Variants in GTF2IRD1 observed in about 807,000 individuals in gnomAD.
GTF2IRD1 encodes the protein GTF2I repeat domain containing 1.
In GTF2IRD1, 26 loss-of-function variants were observed where a neutral mutation model predicts 113.2. The ratio of observed to expected loss-of-function variants is 0.23; its 90% confidence interval spans 0.17 to 0.32. The LOEUF (loss-of-function observed/expected upper bound fraction) is 0.32, where lower values mean the gene tolerates loss of function less well. GTF2IRD1 is among the 10% of genes least tolerant of loss of function. GTF2IRD1 has a pLI of 1.00. For synonymous variants in GTF2IRD1, 484 were observed against 529.1 expected, an observed-to-expected ratio of 0.91 and a Z score of 1.17; for missense variants, 864 against 1,280.8, an observed-to-expected ratio of 0.67 and a Z score of 4.97.
chr7:74,454,825 C>T (rs931856919), intron 1 of GTF2IRD1, among the ~76,000 whole-genome samples: 3 of 152,142 alleles, frequency 2.0e-5, no homozygotes, highest in African/African-American at 4.8e-5. Flanking sequence ...GTTGGGGATA[C>T]TCGGTCTGTG....
intron 1 of GTF2IRD1, among the ~76,000 whole-genome samples, chr7:74,465,307 C>T (rs372161859): frequency 8.5e-5 from 13 of 152,274 alleles, no homozygotes; most frequent in African/African-American, 2.9e-4. Flanking sequence ...GAGATATTCT[C>T]TTCTCAGCAT....
intron 7 of GTF2IRD1, among the ~76,000 whole-genome samples, chr7:74,523,399 T>A (rs11495945): frequency 0.18 from 27,956 of 151,604 alleles, 2,737 homozygotes; most frequent in Middle Eastern, 0.21. Context: ...TCTATTTTTT[T>A]AAAAAAATTT....
chr7:74,541,373 C>T (rs1333994419), intron 14 of GTF2IRD1, among the ~76,000 whole-genome samples: 8 of 151,574 alleles, frequency 5.3e-5, no homozygotes, highest in African/African-American at 1.5e-4. Flanking sequence ...CAGCTATAAT[C>T]TCAACACTTT....
intron 1 of GTF2IRD1, among the ~76,000 whole-genome samples, chr7:74,504,677 C>T (rs932189417): frequency 1.1e-4 from 16 of 146,274 alleles, no homozygotes; most frequent in East Asian, 2.0e-4. Flanking sequence ...GTAGCTCATG[C>T]GGGCCAATGC....
intron 19 of GTF2IRD1, among the ~76,000 whole-genome samples, chr7:74,556,057 C>A (rs1389805505): frequency 2.0e-5 from 3 of 152,042 alleles, no homozygotes; most frequent in Non-Finnish European, 2.9e-5. Flanking sequence ...CAAGACCAGC[C>A]TGGCCAACAT....
At position 74,535,707 on chromosome 7, in the gene GTF2IRD1, G is replaced by A. The variant is rs147079527; in HGVS notation, c.1301-460G>A. Among the ~76,000 whole-genome samples, 19 of 152,310 alleles carry A rather than the reference G, an allele frequency of 1.2e-4. No homozygotes were observed. In the East Asian group the frequency reaches 3.7e-3, roughly 29 times the overall value. Reference sequence around the variant, plus strand: ...GTTCCGGTCCCGCCTCCCACCAGCTGTGTGACTTTGGGCAAGGTCTTGTGG... The same window carrying A: ...GTTCCGGTCCCGCCTCCCACCAGCTATGTGACTTTGGGCAAGGTCTTGTGG... On this transcript the variant is annotated intron_variant, in intron 10 of 26. Coordinates refer to ENST00000424337, the MANE Select transcript of GTF2IRD1 (RefSeq NM_005685.4).
chr7:74,520,339 C>A (rs1211034164), intron 6 of GTF2IRD1, among the ~76,000 whole-genome samples: 28 of 151,944 alleles, frequency 1.8e-4, no homozygotes, highest in Admixed American at 1.8e-3. Context: ...GTGAGGAGCA[C>A]CTGGATTCAT....
chr7:74,521,329 G>A, intron 7 of GTF2IRD1, 32 bp downstream of exon 7: 1 of 1,316,712 alleles, frequency 7.6e-7, no homozygotes, highest in Non-Finnish European at 1.1e-6. Context: ...ACCCCGGCCT[G>A]AGTGGGAATC....
At chr7:74,525,463 A>G (rs1797544557) in intron 8 of GTF2IRD1, among the ~76,000 whole-genome samples, 1 of 152,112 alleles carries the variant, frequency 6.6e-6, no homozygotes, top group African/African-American at 2.4e-5. Flanking sequence ...TGGAAAGAAA[A>G]CACAAGTGGT....
chr7:74,491,756 T>C (rs1373649333), intron 1 of GTF2IRD1, among the ~76,000 whole-genome samples: 2 of 152,130 alleles, frequency 1.3e-5, no homozygotes, highest in African/African-American at 4.8e-5. Context: ...GATTCCATGT[T>C]TTTGCTGTTG....
rs892350691 is a variant in GTF2IRD1 at position 74,473,617 on chromosome 7, C to T, written c.-7+19441C>T. On this transcript the variant is annotated intron_variant, in intron 1 of 26. Transcript: ENST00000424337. ...GGGGATTCTTATTGGCTGTGAACCCCGTGATTCATTGCTCCCATTTTCTTG... is the reference window on the plus strand; with the variant it reads ...GGGGATTCTTATTGGCTGTGAACCCTGTGATTCATTGCTCCCATTTTCTTG... 1.4e-4 allele frequency among the ~76,000 whole-genome samples: 21 copies of T among 151,974 alleles called. 1 individual carries two copies. The highest frequency in any genetic ancestry group is 1.2e-3 in the Admixed American group (18 of 15,230).
intron 1 of GTF2IRD1, among the ~76,000 whole-genome samples, chr7:74,490,538 G>A (rs1554336461): frequency 7.9e-6 from 1 of 126,542 alleles, no homozygotes; most frequent in Non-Finnish European, 1.6e-5. Context: ...TGGGGAGAAA[G>A]GATACCCCCC....
intron 1 of GTF2IRD1, among the ~76,000 whole-genome samples, chr7:74,464,334 GA>G (rs1334174365): frequency 6.6e-6 from 1 of 152,206 alleles, no homozygotes; most frequent in African/African-American, 2.4e-5. Context: ...GCAAATCCAT[GA>G]GTTTCCCAGG....
intron 1 of GTF2IRD1, among the ~76,000 whole-genome samples, chr7:74,471,672 TAAAAAAAA>T: frequency 9.6e-6 from 1 of 104,698 alleles, no homozygotes; most frequent in South Asian, 3.5e-4. Flanking sequence ...TTGAAATATT[TAAAAAAAA>T]AAAAAAAAAC....
At chr7:74,461,839 G>A (rs992948115) in intron 1 of GTF2IRD1, among the ~76,000 whole-genome samples, 3 of 152,076 alleles carry the variant, frequency 2.0e-5, no homozygotes, top group African/African-American at 7.2e-5. Flanking sequence ...TTGACTTCCC[G>A]GAGTGCTGGG....
At chr7:74,601,556 T>C in intron 26 of GTF2IRD1, 2 of 1,153,706 alleles carry the variant, frequency 1.7e-6, no homozygotes, top group Non-Finnish European at 2.3e-6. Context: ...GTGGATCACC[T>C]GAGGTCAGGA....
intron 1 of GTF2IRD1, among the ~76,000 whole-genome samples, chr7:74,459,934 A>G (rs370316457): frequency 6.7e-6 from 1 of 148,864 alleles, no homozygotes; most frequent in African/African-American, 2.5e-5. Flanking sequence ...ATCTGGAGCG[A>G]GTTTGAATCG....
At chr7:74,551,330 G>A (rs1418661654) in intron 17 of GTF2IRD1, among the ~76,000 whole-genome samples, 3 of 152,096 alleles carry the variant, frequency 2.0e-5, no homozygotes, top group African/African-American at 4.8e-5. Flanking sequence ...GCGACAGAGC[G>A]AGACTCCTTC....
intron 14 of GTF2IRD1, among the ~76,000 whole-genome samples, chr7:74,540,622 C>A (rs183240334): frequency 2.0e-5 from 3 of 151,886 alleles, no homozygotes; most frequent in East Asian, 2.0e-4. Flanking sequence ...GGGTGCACAT[C>A]CTCATGTGAA....
Sources: allele counts gnomAD v4.1 joint callset (sites outside exome capture counted in the v4.1 genomes callset), GRCh38; gene constraint gnomAD v4.1.1; transcripts MANE v1.5; gene names NCBI Gene and HGNC (gene_info 2026-07-23, HGNC 2026-07-21).